The following FAH variants were observed in gnomAD, a reference collection of about 807,000 sequenced individuals.
The protein encoded by FAH is fumarylacetoacetase.
FAH carries 47 observed loss-of-function variants against 55.8 expected under a neutral mutation model. The ratio of observed to expected loss-of-function variants is 0.84; its 90% confidence interval spans 0.67 to 1.07. The LOEUF (loss-of-function observed/expected upper bound fraction) is 1.07, where lower values mean the gene tolerates loss of function less well. FAH is among the 50% of genes least tolerant of loss of function. FAH has a pLI of 0.00. For synonymous variants in FAH, 199 were observed against 207.7 expected (o/e 0.96, Z 0.36); for missense variants, 495 against 545.9 (o/e 0.91, Z 0.93).
chr15:80,185,999 T>A, intron 13 of FAH, 131 bp from the exon 14 acceptor site: 1 of 766,308 alleles, frequency 1.3e-6, no homozygotes, highest in Non-Finnish European at 2.4e-6. Flanking sequence ...GTTTAAGATA[T>A]GTGTGTGTGA....
chr15:80,160,638 G>A, intron 4 of FAH, 179 bp downstream of exon 4: 1 of 707,142 alleles, frequency 1.4e-6, no homozygotes, highest in South Asian at 1.5e-5. Flanking sequence ...TCCAGGCCCG[G>A]CATTCACTCA....
intron 10 of FAH, among the ~76,000 whole-genome samples, chr15:80,175,858 G>C (rs1470098402): frequency 6.6e-6 from 1 of 152,224 alleles, no homozygotes; most frequent in African/African-American, 2.4e-5. Flanking sequence ...AAAGGTCTGG[G>C]ACAGGGTCTG....
chr15:80,157,935 C>G, intron 1 of FAH, 125 bp from the exon 2 acceptor site: 2 of 747,904 alleles, frequency 2.7e-6, no homozygotes, highest in South Asian at 2.8e-5. Flanking sequence ...TTCTTCAGTC[C>G]GCTCTGCATA....
In FAH at chr15:80,173,085, T is replaced by A. The variant is rs752497048; in HGVS notation, c.778T>A (p.Ser260Thr). ...TGGGAAGAGTTTTGGGACCACTGTC[T>A]CTCCGTGGGTGGTGCCCATGGATGC... ...FLGKSFGTTV[S>T]PWVVPMDALM... Residue 260 changes from serine to threonine, a missense_variant, in exon 9 of 14, where the codon TCT (serine) becomes ACT (threonine). Coordinates refer to ENST00000561421, the MANE Select transcript of FAH (RefSeq NM_000137.4). 47 of 1,614,072 alleles carry A rather than the reference T, an allele frequency of 2.9e-5. No individual in the cohort carries two copies. Among genetic ancestry groups the A allele is most frequent in the Non-Finnish European group, 3.8e-5 (45 of 1,180,020 alleles).
In FAH at chr15:80,181,069, G is replaced by C. The variant is rs121965076; in HGVS notation, c.1090G>C (p.Glu364Gln). 1 of 1,613,738 alleles carries C rather than the reference G, an allele frequency of 6.2e-7. No individual in the cohort carries two copies. The highest frequency in any genetic ancestry group is 2.2e-5 in the East Asian group (1 of 44,872). The change falls in exon 13 of 14, where the codon GAA becomes CAA. Residue 364 changes from glutamate to glutamine, a missense_variant. By Grantham distance (29) the Glu-to-Gln change is conservative (BLOSUM62 2). Coordinates refer to ENST00000561421, the MANE Select transcript of FAH (RefSeq NM_000137.4). ...PEPENFGSML[E>Q]LSWKGTKPID... ...GCCAGAAAACTTCGGCTCCATGTTG[G>C]AACTGTCGTGGAAGGGAACGAAGCC...
intron 11 of FAH, among the ~76,000 whole-genome samples, 192 bp downstream of exon 11, chr15:80,177,775 C>T (rs1037287751): frequency 6.6e-6 from 1 of 152,162 alleles, no homozygotes; most frequent in Non-Finnish European, 1.5e-5. Flanking sequence ...ATAGAGGCTG[C>T]ATAAATGTGG....
chr15:80,175,941 C>T (rs1031803798), intron 10 of FAH, among the ~76,000 whole-genome samples: 5 of 152,218 alleles, frequency 3.3e-5, no homozygotes, highest in African/African-American at 1.2e-4. Context: ...TGCCTGGTGG[C>T]CACACACAGA....
chr15:80,169,512 T>A (rs544809306), intron 7 of FAH, among the ~76,000 whole-genome samples: 80 of 152,268 alleles, frequency 5.3e-4, no homozygotes, highest in African/African-American at 1.8e-3. Context: ...CATACTTTTT[T>A]ATTTGTTTTT....
chr15:80,174,849 C>T (rs1366721565), intron 9 of FAH, among the ~76,000 whole-genome samples, 167 bp from the exon 10 acceptor site: 1 of 152,094 alleles, frequency 6.6e-6, no homozygotes, highest in Non-Finnish European at 1.5e-5. Flanking sequence ...CCCCCTACTG[C>T]TATCCAGGGA....
intron 3 of FAH, 195 bp downstream of exon 3, chr15:80,160,072 G>A: frequency 7.6e-6 from 6 of 785,768 alleles, no homozygotes; most frequent in South Asian, 3.5e-5. Flanking sequence ...CTTGGCGCCT[G>A]GAATGGAGCT....
At chr15:80,168,622 A>G (rs187595100) in intron 7 of FAH, among the ~76,000 whole-genome samples, 1 of 152,246 alleles carries the variant, frequency 6.6e-6, no homozygotes, top group East Asian at 1.9e-4. Flanking sequence ...CCTGGTGAGC[A>G]TGTTCCTAGG....
At chr15:80,172,075 C>T in intron 7 of FAH, 74 bp from the exon 8 acceptor site, 1 of 1,088,592 alleles carries the variant, frequency 9.2e-7, no homozygotes, top group Non-Finnish European at 1.4e-6. Flanking sequence ...AATACCTGAC[C>T]TTTGCTCTCT....
upstream of FAH, chr15:80,152,877 G>A (rs56043846): frequency 0.26 from 155,543 of 601,684 alleles, 21,646 homozygotes; most frequent in Non-Finnish European, 0.3. Context: ...GTTCGGGGGC[G>A]GGGTGTTCAC....
At chr15:80,178,057 G>A (rs1238932200) in intron 11 of FAH, among the ~76,000 whole-genome samples, 8 of 152,028 alleles carry the variant, frequency 5.3e-5, no homozygotes, top group Non-Finnish European at 1.2e-4. Flanking sequence ...AAAATTAGCC[G>A]GGCGTGGTAG....
At chr15:80,172,955 G>T in intron 8 of FAH, 59 bp from the exon 9 acceptor site, 9 of 1,613,112 alleles carry the variant, frequency 5.6e-6, no homozygotes, top group Non-Finnish European at 7.6e-6. Context: ...GCAGGAGGGG[G>T]TCGTTGGGAG....
At chr15:80,182,420 G>A (rs567132668) in intron 13 of FAH, among the ~76,000 whole-genome samples, 63 of 152,346 alleles carry the variant, frequency 4.1e-4, no homozygotes, top group African/African-American at 1.4e-3. Context: ...GTGGCTGTTG[G>A]TTAGTTCTTT....
At chr15:80,169,928 TCA>T (rs2041225643) in intron 7 of FAH, among the ~76,000 whole-genome samples, 1 of 152,190 alleles carries the variant, frequency 6.6e-6, no homozygotes, top group African/African-American at 2.4e-5. Context: ...CCAATACCCT[TCA>T]CACAGTCTCC....
At chr15:80,186,433 T>C, downstream of FAH, 1 of 606,168 alleles carries the variant, frequency 1.6e-6, no homozygotes, top group Non-Finnish European at 3.0e-6. Context: ...TTCATTAATA[T>C]GTTTTCTCAC....
At chr15:80,162,125 G>T in intron 4 of FAH, 121 bp from the exon 5 acceptor site, 1 of 798,648 alleles carries the variant, frequency 1.3e-6, no homozygotes, top group Non-Finnish European at 2.2e-6. Context: ...CTGGCTGCAG[G>T]CTGAGCTCTG....
Sources: gnomAD v4.1 joint callset for allele counts (sites outside exome capture counted in the v4.1 genomes callset) on GRCh38, gnomAD v4.1.1 for gene constraint, MANE v1.5 for transcripts, NCBI Gene and HGNC (gene_info 2026-07-23, HGNC 2026-07-21) for gene names.